PPM1K: variants seen among roughly 807,000 people sequenced by gnomAD.
PPM1K encodes protein phosphatase, Mg2+/Mn2+ dependent 1K.
Under a neutral mutation model 32.6 loss-of-function variants are expected in PPM1K, and 19 were observed. The ratio of observed to expected loss-of-function variants is 0.58; its 90% confidence interval spans 0.41 to 0.86. The LOEUF is 0.86. PPM1K is among the 40% of genes least tolerant of loss of function. The pLI is 0.00. For missense variants in PPM1K, 362 were observed against 461.2 expected (o/e 0.78, Z 1.97); for synonymous variants, 159 against 165.3 (o/e 0.96, Z 0.29).
rs773905059 is a variant in PPM1K, at chr4:88,271,079, C to G, written c.542-2173G>C. 5.8e-6 allele frequency: 3 copies of G among 518,802 alleles called. No homozygotes were observed. The East Asian group carries it at 1.6e-4, about 28-fold the overall frequency. 32.1% of individuals were successfully genotyped at this position (518,802 alleles called of 1,614,324 possible). A position where few individuals can be genotyped will look rare whatever the true frequency, so the allele number is the denominator to read the frequency against. ...CCTTCCCGTAGTCCAGGATAGGAAC[C>G]GCTGGACTCCTTCACCTGGGACAAA... is the stretch of plus-strand genomic sequence containing the variant. On this transcript the variant is annotated intron_variant, in intron 3 of 6. Coordinates refer to ENST00000608933, the MANE Select transcript of PPM1K (RefSeq NM_152542.5).
intron 4 of PPM1K, among the ~76,000 whole-genome samples, 166 bp downstream of exon 4, chr4:88,268,575 T>G (rs1011857647): frequency 2.0e-5 from 3 of 152,046 alleles, no homozygotes; most frequent in Admixed American, 1.3e-4. Context: ...GAGCCAAGAT[T>G]GCGCCACTGC....
intron 3 of PPM1K, among the ~76,000 whole-genome samples, chr4:88,269,195 G>A (rs1252702448): frequency 1.3e-5 from 2 of 152,172 alleles, no homozygotes; most frequent in Non-Finnish European, 2.9e-5. Context: ...ATATCAAGTA[G>A]AGCTGACTTG....
chr4:88,283,036 T>C (rs1732078110), intron 1 of PPM1K, among the ~76,000 whole-genome samples: 1 of 152,166 alleles, frequency 6.6e-6, no homozygotes, highest in Admixed American at 6.5e-5. Context: ...ACTAAGGTAT[T>C]TTATCAGACA....
intron 3 of PPM1K, among the ~76,000 whole-genome samples, chr4:88,273,497 A>G (rs533541442): frequency 1.2e-4 from 19 of 152,224 alleles, no homozygotes; most frequent in African/African-American, 3.4e-4. Context: ...CCTGACCAAC[A>G]TGGCAAAACC....
In PPM1K at chr4:88,278,165, GTA is replaced by G. The variant is rs757046744; in HGVS notation, c.417_418del (p.Thr140ProfsTer12). The G allele has an allele frequency of 3.6e-5, 58 of 1,613,630 alleles. No homozygotes were observed. The highest frequency in any genetic ancestry group is 3.4e-6 in the Non-Finnish European group (4 of 1,179,684). ...ATACATAATACATTTCTCCATGTGG[GTA>G]TGACAGAAATCAGCTGCTGCAGGTC... On this transcript the variant is annotated frameshift_variant, in exon 2 of 7. Coordinates refer to ENST00000608933, the MANE Select transcript of PPM1K (RefSeq NM_152542.5). LOFTEE classifies it high-confidence loss of function. This position sits in a 1 kb window ranked among gnomAD's most constrained non-coding sequence, Gnocchi z 4.2.
intron 5 of PPM1K, among the ~76,000 whole-genome samples, chr4:88,266,114 A>G (rs1441010972): frequency 6.6e-6 from 1 of 152,214 alleles, no homozygotes; most frequent in Non-Finnish European, 1.5e-5. Context: ...ACGATGTGGG[A>G]TATCTATAGA....
intron 3 of PPM1K, chr4:88,276,315 G>C (rs1382502617): frequency 1.0e-6 from 1 of 985,356 alleles, no homozygotes; most frequent in Non-Finnish European, 1.2e-6. Context: ...TACAGATCAA[G>C]ATTATTGCAT....
chr4:88,276,278 T>C, intron 3 of PPM1K: 1 of 984,176 alleles, frequency 1.0e-6, no homozygotes, highest in Non-Finnish European at 1.2e-6. Context: ...GGTTTCTTTC[T>C]TTTTTTTAAG....
chr4:88,269,529 T>C (rs1305115462), intron 3 of PPM1K, among the ~76,000 whole-genome samples: 1 of 152,242 alleles, frequency 6.6e-6, no homozygotes, highest in Non-Finnish European at 1.5e-5. Flanking sequence ...CACATTCTTT[T>C]CTGTTTATCT....
At chr4:88,276,764 G>A in intron 3 of PPM1K, 1 of 1,000,364 alleles carries the variant, frequency 1.0e-6, no homozygotes, top group Non-Finnish European at 1.2e-6. Context: ...TCAGCACTTG[G>A]TCACCAGATC....
intron 3 of PPM1K, among the ~76,000 whole-genome samples, chr4:88,271,781 G>A (rs1731564011): frequency 6.6e-6 from 1 of 152,122 alleles, no homozygotes; most frequent in Non-Finnish European, 1.5e-5. Flanking sequence ...TATATATCAA[G>A]AAGGAATCAA....
At chr4:88,284,236 A>G (rs1411517942) in intron 1 of PPM1K, 170 bp downstream of exon 1, 1 of 152,292 alleles carries the variant, frequency 6.6e-6, no homozygotes, top group Non-Finnish European at 1.5e-5. Flanking sequence ...GAGAACTCCG[A>G]GAGGCCGCCG....
At chr4:88,279,856 T>C (rs111537624) in intron 1 of PPM1K, among the ~76,000 whole-genome samples, 15 of 152,374 alleles carry the variant, frequency 9.8e-5, no homozygotes, top group African/African-American at 3.4e-4. Flanking sequence ...TTCTCAATCT[T>C]ATGTTTAAAT....
At chr4:88,275,919 T>A in intron 3 of PPM1K, 1 of 985,276 alleles carries the variant, frequency 1.0e-6, no homozygotes, top group South Asian at 4.7e-5. Flanking sequence ...AAAAGAAAAA[T>A]TCCAAAGGAA....
chr4:88,258,106 A>C lies in PPM1K; in HGVS notation c.*4489T>G, dbSNP rs1297004311. On this transcript the variant is annotated 3_prime_UTR_variant, in exon 7 of 7. Transcript: ENST00000608933. ...GTCATCTATATAAGCGAATCTAATAAATACAATAAAATGTAACCCAACAAA... is the reference window on the plus strand; with the variant it reads ...GTCATCTATATAAGCGAATCTAATACATACAATAAAATGTAACCCAACAAA... 1.3e-5 allele frequency: 2 copies of C among 152,186 alleles called. No individual in the cohort carries two copies. Among genetic ancestry groups the C allele is most frequent in the Non-Finnish European group, 2.9e-5 (2 of 68,048 alleles). The allele number at this position is 152,186 out of a possible 1,614,324, so 9.4% of individuals were successfully genotyped here.
At chr4:88,267,142 TGCTG>T (rs1731359425) in intron 5 of PPM1K, among the ~76,000 whole-genome samples, 1 of 138,256 alleles carries the variant, frequency 7.2e-6, no homozygotes. Flanking sequence ...GTGCGGGTGA[TGCTG>T]GCTGATTGGG....
intron 1 of PPM1K, among the ~76,000 whole-genome samples, chr4:88,280,190 C>T (rs773094596): frequency 6.6e-6 from 1 of 152,184 alleles, no homozygotes; most frequent in Non-Finnish European, 1.5e-5. Context: ...ATCCTCCCAC[C>T]TCAGCCTCCC....
chr4:88,275,808 T>C, intron 3 of PPM1K: 1 of 985,408 alleles, frequency 1.0e-6, no homozygotes, highest in Non-Finnish European at 1.2e-6. Context: ...CCTCTTTTCC[T>C]TCATGTGTTT....
chr4:88,281,975 A>G (rs1732031320), intron 1 of PPM1K, among the ~76,000 whole-genome samples: 1 of 152,144 alleles, frequency 6.6e-6, no homozygotes, highest in Non-Finnish European at 1.5e-5. Flanking sequence ...TTAAGGAAAA[A>G]AAAAAAGCAA....
Sources: allele counts gnomAD v4.1 joint callset (sites outside exome capture counted in the v4.1 genomes callset), GRCh38; gene constraint gnomAD v4.1.1; non-coding constraint Gnocchi (gnomAD v3.1); transcripts MANE v1.5; gene names NCBI Gene and HGNC (gene_info 2026-07-23, HGNC 2026-07-21).